CELF3: variants seen among roughly 807,000 people sequenced by gnomAD.
CELF3 encodes CAG repeat domain.
A neutral mutation model predicts 59.6 loss-of-function variants in CELF3; 26 were observed. The observed-to-expected ratio is 0.44, with a 90% confidence interval of 0.32 to 0.61. The LOEUF is 0.61. Ranked by LOEUF, CELF3 falls within the 20% of genes least tolerant of loss-of-function variation. The pLI is 0.06. For synonymous variants in CELF3, 245 were observed against 250.7 expected (o/e 0.98, Z 0.22); for missense variants, 387 against 627.2 (o/e 0.62, Z 4.09).
chr1:151,709,205 A>G lies in CELF3; in HGVS notation c.406+15T>C, dbSNP rs1406323151. On this transcript the variant is annotated intron_variant, in intron 4 of 12. Transcript: ENST00000290583. This position sits in a 1 kb window ranked among gnomAD's most constrained non-coding sequence, Gnocchi z 4.9. ...GGGAAGGGCCCGGTGGGGAAGGGGG[A>G]AGTGGGTGGACTACCTTTGCTGGTG... The G allele has an allele frequency of 6.2e-7, 1 of 1,612,122 alleles. No homozygotes were observed. Among genetic ancestry groups the G allele is most frequent in the Non-Finnish European group, 8.5e-7 (1 of 1,178,666 alleles).
At chr1:151,712,457 C>A (rs141607898) in intron 2 of CELF3, among the ~76,000 whole-genome samples, 1 of 152,206 alleles carries the variant, frequency 6.6e-6, no homozygotes, top group Admixed American at 6.5e-5. Flanking sequence ...AGGTTCTCTC[C>A]GTGGGGCCAG....
Position 151,707,578 on chromosome 1 carries a change from G to A in CELF3, c.701C>T (p.Ala234Val), listed in dbSNP as rs1434799053. ...GGCAGCCATGTGCTGCATCTGCACG[G>A]CAGCCATGGTGGCCATGGGGCTGAG... ...AYLSPMATMA[A>V]VQMQHMAAIN... The change falls in exon 7 of 13, where the codon GCC becomes GTC. Residue 234 changes from alanine to valine, a missense_variant. Coordinates refer to ENST00000290583, the MANE Select transcript of CELF3 (RefSeq NM_007185.7). The A allele has an allele frequency of 6.2e-7, 1 of 1,609,456 alleles. No homozygotes were observed. The highest frequency in any genetic ancestry group is 2.2e-5 in the East Asian group (1 of 44,792).
At chr1:151,710,114 G>A (rs1672890746) in intron 2 of CELF3, 1 of 356,062 alleles carries the variant, frequency 2.8e-6, no homozygotes, top group Non-Finnish European at 5.3e-6. Flanking sequence ...CTGAGAGAGA[G>A]CCCGACCAAG....
At chr1:151,707,982 C>G (rs576108243) in intron 5 of CELF3, 47 bp from the exon 6 acceptor site, 3 of 1,566,698 alleles carry the variant, frequency 1.9e-6, no homozygotes, top group Admixed American at 3.5e-5. Flanking sequence ...GTCAGGGTCT[C>G]TCCTCCCCAA....
At chr1:151,714,743 C>T in intron 1 of CELF3, 67 bp from the exon 2 acceptor site, 1 of 1,160,138 alleles carries the variant, frequency 8.6e-7, no homozygotes, top group Non-Finnish European at 1.3e-6. Flanking sequence ...CTCTGAAAGG[C>T]TCCCTTCCAA....
chr1:151,709,755 C>T lies in CELF3; in HGVS notation c.265G>A (p.Glu89Lys), dbSNP rs1413587062. 2 of 1,614,162 alleles carry T rather than the reference C, an allele frequency of 1.2e-6. No homozygotes were observed. The highest frequency in any genetic ancestry group is 2.2e-5 in the East Asian group (1 of 44,874). Residue 89 changes from glutamate (E) to lysine (K), a missense_variant, in exon 3 of 13, where the codon GAG becomes AAG. By Grantham distance (56) the Glu-to-Lys change is moderately conservative. Transcript: ENST00000290583. This position sits in a 1 kb window ranked among gnomAD's most constrained non-coding sequence, Gnocchi z 4.9. ...GCACAGAACCTACCTCCTCGGCTCTCGCTGTCGGCTGGCTTGACCTGGATC... is the reference window on the plus strand; with the variant it reads ...GCACAGAACCTACCTCCTCGGCTCTTGCTGTCGGCTGGCTTGACCTGGATC... ...RPIQVKPADS[E>K]SRGEDRKLFV...
intron 2 of CELF3, chr1:151,710,515 TG>T (rs1672931172): frequency 1.2e-5 from 2 of 163,798 alleles, no homozygotes; most frequent in Non-Finnish European, 2.4e-5. Flanking sequence ...GAGGATTTGG[TG>T]GGGGCTGGGA....
At chr1:151,711,412 A>C in intron 2 of CELF3, 1 of 152,294 alleles carries the variant, frequency 6.6e-6, no homozygotes, top group Non-Finnish European at 1.5e-5. Flanking sequence ...CCTAAGCCCC[A>C]CCTCAACTGA....
rs555380759 is a variant in CELF3, at chr1:151,700,088, G to A, written c.*3371C>T. 9.2e-5 allele frequency among the ~76,000 whole-genome samples: 14 copies of A among 152,082 alleles called. No homozygotes were observed. Among genetic ancestry groups the A allele is most frequent in the Non-Finnish European group, 1.3e-4 (9 of 68,008 alleles). On this transcript the variant is annotated 3_prime_UTR_variant, in exon 13 of 13. Coordinates refer to ENST00000290583, the MANE Select transcript of CELF3 (RefSeq NM_007185.7). ...GTGGTTAAAGTCAAACATTTATTAGGTATCTGCTGTTGGGGGTGGGGTGGG... is the reference window on the plus strand; with the variant it reads ...GTGGTTAAAGTCAAACATTTATTAGATATCTGCTGTTGGGGGTGGGGTGGG...
rs763711149 is a variant in CELF3 at position 151,707,241 on chromosome 1, C to T, written c.826G>A (p.Ala276Thr). 9 of 1,556,234 alleles carry T rather than the reference C, an allele frequency of 5.8e-6. No homozygotes were observed. In the Admixed American group the frequency reaches 1.9e-4, roughly 33 times the overall value. Residue 276 changes from alanine (A) to threonine (T), a missense_variant, in exon 8 of 13, where the codon GCC becomes ACC. Physicochemically the swap from Ala to Thr is moderately conservative, Grantham distance 58 (BLOSUM62 0). Transcript: ENST00000290583. ...AATPVSAIPA[A>T]LGVNGYSPVP... is the part of the protein sequence containing the mutation. ...GGGCTGTAGCCGTTGACGCCCAGGG[C>T]AGCCGGAATGGCAGAGACAGGCGTG...
rs1216238971 is a variant in CELF3, at chr1:151,705,442, TC to T, written c.1271-275del. Reference sequence around the variant, plus strand: ...AGCCTGCCCTTTGAAAACGGCCACTTCCAGACCCTAAATGGCTTCTGAAGCA... The same window carrying T: ...AGCCTGCCCTTTGAAAACGGCCACTTCAGACCCTAAATGGCTTCTGAAGCA... On this transcript the variant is annotated intron_variant, in intron 11 of 12. Transcript: ENST00000290583. This position sits in a 1 kb window ranked among gnomAD's most constrained non-coding sequence, Gnocchi z 5.1. Among the ~76,000 whole-genome samples, 1 of 152,182 alleles carries T rather than the reference TC, an allele frequency of 6.6e-6. No homozygotes were observed. Among genetic ancestry groups the T allele is most frequent in the African/African-American group, 2.4e-5 (1 of 41,440 alleles).
rs779017070 is a variant in CELF3 at position 151,707,651 on chromosome 1, G to T, written c.631-3C>A. 3 of 1,604,462 alleles carry T rather than the reference G, an allele frequency of 1.9e-6. No homozygotes were observed. The highest frequency in any genetic ancestry group is 1.1e-5 in the South Asian group (1 of 90,168). On this transcript the variant is annotated splice_polypyrimidine_tract_variant and splice_region_variant and intron_variant, in intron 6 of 12. Transcript: ENST00000290583. ...AGGGCCGCCTGCTGCTGCATCAGCTGGGGGGAGGGGAGAGGAGAGTGGGGC... is the reference window on the plus strand; with the variant it reads ...AGGGCCGCCTGCTGCTGCATCAGCTTGGGGGAGGGGAGAGGAGAGTGGGGC...
Position 151,707,881 on chromosome 1 carries a change from G to A in CELF3, c.541C>T (p.Leu181Phe). ...KFADTEKERG[L>F]RRMQQVATQL... is the part of the protein sequence containing the mutation. ...GTGGCCACCTGCTGCATGCGGCGGA[G>A]ACCTCGCTCCTTCTCAGTGTCAGCA... Residue 181 changes from leucine to phenylalanine, a missense_variant, in exon 6 of 13, where the codon CTC (leucine) becomes TTC (phenylalanine). Leu to Phe is a conservative substitution (Grantham distance 22). Around this residue, in one of 3 missense-constraint regions of CELF3, gnomAD observed 208 missense variants for 354.8 expected, o/e 0.59. Transcript: ENST00000290583. The A allele has an allele frequency of 6.2e-7, 1 of 1,613,946 alleles. No homozygotes were observed. The highest frequency in any genetic ancestry group is 1.1e-5 in the South Asian group (1 of 91,084).
Position 151,705,092 on chromosome 1 carries a change from C to T in CELF3, c.1347G>A (p.Lys449=), listed in dbSNP as rs1265786666. 1.2e-6 allele frequency: 2 copies of T among 1,613,928 alleles called. No individual in the cohort carries two copies. Among genetic ancestry groups the T allele is most frequent in the African/African-American group, 1.3e-5 (1 of 74,944 alleles). ...GCCGCTTTAGCTGGACTTTGAGGCG[C>T]TTCATGCCGATCTGGAAGCCATTCA... ...QAMNGFQIGM[K]RLKVQLKRPK... is the part of the protein sequence containing the mutation. The change falls in exon 12 of 13, where the codon AAG becomes AAA. Residue 449 remains lysine (K), a synonymous_variant. Coordinates refer to ENST00000290583, the MANE Select transcript of CELF3 (RefSeq NM_007185.7). This position sits in a 1 kb window ranked among gnomAD's most constrained non-coding sequence, Gnocchi z 5.1.
At chr1:151,712,267 G>A (rs1238926948) in intron 2 of CELF3, among the ~76,000 whole-genome samples, 7 of 152,246 alleles carry the variant, frequency 4.6e-5, no homozygotes, top group Non-Finnish European at 8.8e-5. Context: ...CCCCAACCCA[G>A]TATAGCCGAG....
At chr1:151,704,200 G>T (rs1234805885) in intron 12 of CELF3, among the ~76,000 whole-genome samples, 1 of 152,098 alleles carries the variant, frequency 6.6e-6, no homozygotes, top group Non-Finnish European at 1.5e-5. Flanking sequence ...GGCTGGGGGG[G>T]CCCCCAGGGT....
In CELF3 at chr1:151,705,734, G is replaced by A; in HGVS notation, c.1270+88C>T. 1 of 1,393,596 alleles carries A rather than the reference G, an allele frequency of 7.2e-7. No homozygotes were observed. The highest frequency in any genetic ancestry group is 1.0e-6 in the Non-Finnish European group (1 of 1,003,660). 86.3% of individuals were successfully genotyped at this position (1,393,596 alleles called of 1,614,324 possible). A position where few individuals can be genotyped will look rare whatever the true frequency, so the allele number is the denominator to read the frequency against. ...GGATAATCAGTATTTCAAATACTGG[G>A]TCCACTGTGACCATAAATGCCTTCA... On this transcript the variant is annotated intron_variant, in intron 11 of 12. Transcript: ENST00000290583. This position sits in a 1 kb window ranked among gnomAD's most constrained non-coding sequence, Gnocchi z 5.1.
chr1:151,715,667 G>C, intron 1 of CELF3: 1 of 1,518,054 alleles, frequency 6.6e-7, no homozygotes, highest in Non-Finnish European at 8.8e-7. Context: ...CAACTCTTCA[G>C]CCAAAAGAGG....
chr1:151,714,514 C>T (rs1011790031), intron 2 of CELF3, 80 bp downstream of exon 2: 55 of 988,318 alleles, frequency 5.6e-5, no homozygotes, highest in Non-Finnish European at 7.9e-5. Context: ...AAATTATGCT[C>T]AGTGTCAGGA....
Sources: gnomAD v4.1 joint callset for allele counts (sites outside exome capture counted in the v4.1 genomes callset) on GRCh38, gnomAD v4.1.1 for gene constraint, gnomAD v4.1.1 regional missense constraint, Gnocchi (gnomAD v3.1) non-coding constraint, MANE v1.5 for transcripts, NCBI Gene and HGNC (gene_info 2026-07-23, HGNC 2026-07-21) for gene names.